Variants in SENP6 observed in about 807,000 individuals in gnomAD.
SENP6 encodes sentrin-specific protease 6.
SENP6 carries 41 observed loss-of-function variants against 134.5 expected under a neutral mutation model. That is an observed-to-expected ratio of 0.30 (90% CI 0.24 to 0.40). The LOEUF is 0.40. Ranked by LOEUF, SENP6 falls within the 10% of genes least tolerant of loss-of-function variation. The probability of loss-of-function intolerance (pLI) is 1.00; values close to 1 mark genes in which losing one functional copy is unlikely to be tolerated. For missense variants in SENP6, 1,248 were observed against 1,312.5 expected (o/e 0.95, Z 0.76); for synonymous variants, 395 against 429.8 (o/e 0.92, Z 1.00).
At chr6:75,683,065 C>A (rs562839087) in intron 16 of SENP6, among the ~76,000 whole-genome samples, 1 of 152,308 alleles carries the variant, frequency 6.6e-6, no homozygotes, top group Admixed American at 6.5e-5. Flanking sequence ...TCTCCAGCAT[C>A]TGTTGTTTCC....
chr6:75,657,675 G>A (rs886238665), intron 7 of SENP6, among the ~76,000 whole-genome samples: 1 of 152,160 alleles, frequency 6.6e-6, no homozygotes, highest in Non-Finnish European at 1.5e-5. Context: ...TGACTAAAAC[G>A]TAATTTCTGC....
intron 11 of SENP6, among the ~76,000 whole-genome samples, chr6:75,675,043 C>A (rs1401672165): frequency 6.6e-6 from 1 of 151,864 alleles, no homozygotes; most frequent in Non-Finnish European, 1.5e-5. Context: ...TTAGAAAATA[C>A]CATGTTGTAA....
chr6:75,669,926 T>G (rs1421752998), intron 10 of SENP6, among the ~76,000 whole-genome samples: 1 of 125,474 alleles, frequency 8.0e-6, no homozygotes, highest in Non-Finnish European at 1.7e-5. Flanking sequence ...TTATTAAGTT[T>G]TACAAGATCA....
In SENP6 at chr6:75,677,255, C is replaced by T. The variant is rs754754279; in HGVS notation, c.1847C>T (p.Thr616Ile). 17 of 1,549,854 alleles carry T rather than the reference C, an allele frequency of 1.1e-5. No homozygotes were observed. The highest frequency in any genetic ancestry group is 1.4e-5 in the Non-Finnish European group (16 of 1,143,372). ...SCGQKENKIK[T>I]VSFESKIQLR... ...GGGCAAAAGGAAAACAAAATTAAAA[C>T]TGTAATTATGTTTTTTAATTTAAAA... The change falls in exon 14 of 24, where the codon ACT (threonine) becomes ATT (isoleucine). Residue 616 changes from threonine to isoleucine, a missense_variant and splice_region_variant. This residue lies in a region of SENP6 where 733 missense variants were observed against 725.4 expected (regional missense o/e 1.01). Transcript: ENST00000447266.
intron 3 of SENP6, among the ~76,000 whole-genome samples, chr6:75,630,845 A>AT (rs936205739): frequency 2.3e-5 from 3 of 131,014 alleles, no homozygotes; most frequent in African/African-American, 5.1e-5. Flanking sequence ...TAAAACCATC[A>AT]TTTAAAAAAA....
intron 7 of SENP6, among the ~76,000 whole-genome samples, chr6:75,649,365 A>G (rs957248815): frequency 6.6e-6 from 1 of 152,190 alleles, no homozygotes; most frequent in Non-Finnish European, 1.5e-5. Context: ...TGGCCCACTA[A>G]TAATGGTTTT....
chr6:75,612,003 A>G (rs897174278), intron 1 of SENP6: 1 of 152,224 alleles, frequency 6.6e-6, no homozygotes, highest in African/African-American at 2.4e-5. Context: ...ATCTTGAAGT[A>G]GTAGTGATCT....
intron 22 of SENP6, 35 bp downstream of exon 22, chr6:75,713,616 AT>A (rs771684823): frequency 2.9e-5 from 46 of 1,598,608 alleles, no homozygotes; most frequent in Non-Finnish European, 3.9e-5. Flanking sequence ...TCTGATGGGG[AT>A]GAAGAACTAT....
chr6:75,624,526 C>G (rs1292101117), intron 3 of SENP6, among the ~76,000 whole-genome samples: 1 of 152,000 alleles, frequency 6.6e-6, no homozygotes, highest in Admixed American at 6.6e-5. Flanking sequence ...CTGAACGTAT[C>G]TGTTTCCCCA....
chr6:75,635,055 T>C, intron 5 of SENP6: 1 of 554,898 alleles, frequency 1.8e-6, no homozygotes, highest in Non-Finnish European at 3.3e-6. Context: ...ATCCAGAGAA[T>C]CTAAGATGAT....
intron 8 of SENP6, among the ~76,000 whole-genome samples, chr6:75,662,576 A>G (rs1204469959): frequency 2.0e-5 from 3 of 152,178 alleles, no homozygotes; most frequent in African/African-American, 4.8e-5. Flanking sequence ...GTTAATCTCT[A>G]GTTTTTATCA....
chr6:75,692,995 C>A (rs534122868), intron 16 of SENP6, among the ~76,000 whole-genome samples: 1 of 152,290 alleles, frequency 6.6e-6, no homozygotes, highest in East Asian at 1.9e-4. Context: ...GGCTTCAGCC[C>A]AGGAGGCGGA....
intron 1 of SENP6, among the ~76,000 whole-genome samples, chr6:75,612,770 A>G (rs1388881088): frequency 6.6e-6 from 1 of 152,188 alleles, no homozygotes; most frequent in Admixed American, 6.5e-5. Flanking sequence ...CACATCCCCA[A>G]GGACCAAATC....
chr6:75,662,384 G>A (rs954217471), intron 8 of SENP6, among the ~76,000 whole-genome samples: 103 of 151,870 alleles, frequency 6.8e-4, no homozygotes, highest in African/African-American at 2.4e-3. Flanking sequence ...GTCCTACTGC[G>A]TCAGCCTCCC....
At chr6:75,684,382 G>A (rs970497619) in intron 16 of SENP6, among the ~76,000 whole-genome samples, 2 of 151,994 alleles carry the variant, frequency 1.3e-5, no homozygotes, top group East Asian at 1.9e-4. Flanking sequence ...AATTGAATAC[G>A]CTTTATTTCT....
chr6:75,676,426 G>A (rs933983476), intron 13 of SENP6, among the ~76,000 whole-genome samples: 3 of 152,122 alleles, frequency 2.0e-5, no homozygotes, highest in Non-Finnish European at 2.9e-5. Context: ...GGCCTGAATA[G>A]GAAGTTGTTA....
intron 9 of SENP6, among the ~76,000 whole-genome samples, chr6:75,666,019 C>T (rs1253259804): frequency 2.0e-5 from 3 of 146,728 alleles, no homozygotes; most frequent in Non-Finnish European, 3.0e-5. Flanking sequence ...AATGAGATTC[C>T]ATCTCAAAAT....
Position 75,678,620 on chromosome 6 carries a change from A to C in SENP6, c.1886A>C (p.Gln629Pro). Residue 629 changes from glutamine (Q) to proline (P), a missense_variant, in exon 15 of 24, where the codon CAA becomes CCA. Gln to Pro is a moderately conservative substitution (Grantham distance 76). Transcript: ENST00000447266. Reference protein sequence around the residue: ...FESKIQLRSKQEFQFFDEEEE... With the variant: ...FESKIQLRSKPEFQFFDEEEE... ...TCTAAAATACAACTTAGAAGCAAAC[A>C]AGAATTTCAGTTTTTTGATGAAGAA... is the stretch of plus-strand genomic sequence containing the variant. 6.3e-7 allele frequency: 1 copy of C among 1,598,094 alleles called. No homozygotes were observed. Among genetic ancestry groups the C allele is most frequent in the Non-Finnish European group, 8.6e-7 (1 of 1,168,104 alleles).
intron 18 of SENP6, among the ~76,000 whole-genome samples, chr6:75,700,235 T>C (rs1187430486): frequency 6.6e-6 from 1 of 152,150 alleles, no homozygotes; most frequent in Admixed American, 6.5e-5. Context: ...CCCTCTCTCT[T>C]GCTGTTAAAG....
Sources: gnomAD v4.1 joint callset for allele counts (sites outside exome capture counted in the v4.1 genomes callset) on GRCh38, gnomAD v4.1.1 for gene constraint, gnomAD v4.1.1 regional missense constraint, MANE v1.5 for transcripts, NCBI Gene and HGNC (gene_info 2026-07-23, HGNC 2026-07-21) for gene names.